The following ADGRV1 variants were observed in gnomAD, a reference collection of about 807,000 sequenced individuals.
ADGRV1 encodes G-protein coupled receptor 98.
ADGRV1 carries 359 observed loss-of-function variants against 596.2 expected under a neutral mutation model. The observed-to-expected ratio is 0.60, with a 90% CI of 0.55 to 0.66. ADGRV1 has a LOEUF of 0.66. Among genes scored for constraint, ADGRV1 ranks in the 30% least tolerant of loss-of-function variants. The pLI, the probability that ADGRV1 is intolerant of heterozygous loss-of-function variation, is 0.00. For synonymous variants in ADGRV1, 2,681 were observed against 2,679.2 expected, an observed-to-expected ratio of 1.00 and a Z score of -0.02; for missense variants, 7,274 against 7,575.6, an observed-to-expected ratio of 0.96 and a Z score of 1.48.
At position 90,704,329 on chromosome 5, in the gene ADGRV1, G is replaced by A. The variant is rs557562075; in HGVS notation, c.8287-60G>A. 1,538 of 980,736 alleles carry A rather than the reference G, an allele frequency of 1.6e-3. 3 individuals are homozygous for A. Among genetic ancestry groups the A allele is most frequent in the Non-Finnish European group, 1.8e-3 (1,160 of 651,532 alleles). The allele number at this position is 980,736 out of a possible 1,614,324, so 60.8% of individuals were successfully genotyped here. Reference sequence around the variant, plus strand: ...AATTTATAAGGTGAATAAAAATAAAGCAGGAGATAGTTCATATTCAATAAC... The same window carrying A: ...AATTTATAAGGTGAATAAAAATAAAACAGGAGATAGTTCATATTCAATAAC... On this transcript the variant is annotated intron_variant, in intron 35 of 89. Coordinates refer to ENST00000405460, the MANE Select transcript of ADGRV1 (RefSeq NM_032119.4).
chr5:91,116,790 C>T (rs920831986), intron 87 of ADGRV1, among the ~76,000 whole-genome samples: 2 of 152,110 alleles, frequency 1.3e-5, no homozygotes, highest in African/African-American at 2.4e-5. Context: ...TGGAAACTCT[C>T]AGTTATAAAG....
chr5:91,051,425 A>T (rs1223696428), intron 85 of ADGRV1, among the ~76,000 whole-genome samples: 1 of 151,872 alleles, frequency 6.6e-6, no homozygotes, highest in Admixed American at 6.6e-5. Context: ...CTTGTGTTAG[A>T]TTACTTTGTT....
chr5:91,130,559 A>C (rs1342863938), intron 87 of ADGRV1, among the ~76,000 whole-genome samples: 1 of 151,324 alleles, frequency 6.6e-6, no homozygotes, highest in East Asian at 1.9e-4. Context: ...GATGTCTTGA[A>C]TAGGAGACAT....
chr5:90,750,518 GA>G, intron 52 of ADGRV1, 32 bp from the exon 53 acceptor site: 6 of 1,558,908 alleles, frequency 3.8e-6, no homozygotes, highest in Non-Finnish European at 5.2e-6. Context: ...TAATTTCAGG[GA>G]ACCCCTTGTG....
At chr5:90,926,468 C>T (rs201619657) in intron 83 of ADGRV1, among the ~76,000 whole-genome samples, 35,685 of 145,442 alleles carry the variant, frequency 0.25, 4,457 homozygotes, top group Admixed American at 0.39. Flanking sequence ...TCTGTGGGAT[C>T]GGTGGTGATA....
chr5:90,574,423 G>A (rs1007008454), intron 1 of ADGRV1, among the ~76,000 whole-genome samples: 1 of 151,988 alleles, frequency 6.6e-6, no homozygotes, highest in Non-Finnish European at 1.5e-5. Context: ...TATTATAGGT[G>A]GGATTCTGTT....
At chr5:90,784,982 A>G (rs1459057144) in intron 67 of ADGRV1, among the ~76,000 whole-genome samples, 3 of 152,200 alleles carry the variant, frequency 2.0e-5, no homozygotes, top group Admixed American at 6.5e-5. Context: ...AGCAAAAATA[A>G]CAAAGCTGGA....
chr5:90,661,585 A>G (rs1770303567), intron 21 of ADGRV1, among the ~76,000 whole-genome samples: 1 of 152,162 alleles, frequency 6.6e-6, no homozygotes, highest in Non-Finnish European at 1.5e-5. Flanking sequence ...AGAATACTGC[A>G]TTATTTTTTC....
intron 59 of ADGRV1, among the ~76,000 whole-genome samples, chr5:90,765,352 A>G (rs1350589992): frequency 6.6e-6 from 1 of 151,960 alleles, no homozygotes; most frequent in Non-Finnish European, 1.5e-5. Flanking sequence ...TATTACTTGT[A>G]AATTCATGTG....
At chr5:90,922,255 T>C (rs774274554) in intron 83 of ADGRV1, among the ~76,000 whole-genome samples, 3 of 152,232 alleles carry the variant, frequency 2.0e-5, no homozygotes, top group Non-Finnish European at 4.4e-5. Flanking sequence ...ATCCATCTCC[T>C]ATGTTAATGT....
At chr5:90,617,020 C>T (rs1763451751) in intron 2 of ADGRV1, among the ~76,000 whole-genome samples, 1 of 152,180 alleles carries the variant, frequency 6.6e-6, no homozygotes. Flanking sequence ...TGGCTTATTT[C>T]ACTTAACATA....
chr5:90,630,472 A>C (rs1166469737), intron 9 of ADGRV1: 4 of 152,174 alleles, frequency 2.6e-5, no homozygotes, highest in African/African-American at 9.7e-5. Flanking sequence ...CAAAGTATAA[A>C]ATATCTGCAC....
intron 86 of ADGRV1, among the ~76,000 whole-genome samples, chr5:91,083,247 AG>A (rs1268962716): frequency 1.2e-5 from 1 of 83,800 alleles, no homozygotes; most frequent in Non-Finnish European, 2.3e-5. Flanking sequence ...GTCATGGGGT[AG>A]GGGGGATGGG....
intron 87 of ADGRV1, among the ~76,000 whole-genome samples, chr5:91,148,951 C>T (rs1430242955): frequency 6.6e-6 from 1 of 152,206 alleles, no homozygotes; most frequent in Non-Finnish European, 1.5e-5. Context: ...GGATTTTGGA[C>T]TTGCATGGAG....
intron 86 of ADGRV1, among the ~76,000 whole-genome samples, chr5:91,083,156 C>A (rs1175622448): frequency 6.6e-6 from 1 of 151,756 alleles, no homozygotes; most frequent in Admixed American, 6.6e-5. Flanking sequence ...AAACCAAACA[C>A]CGCATGTTCT....
intron 82 of ADGRV1, among the ~76,000 whole-genome samples, chr5:90,860,724 A>C (rs923198244): frequency 7.5e-6 from 1 of 133,522 alleles, no homozygotes; most frequent in African/African-American, 3.1e-5. Context: ...TGGTATAATA[A>C]AAAAAAAAAA....
rs1166104528 is a variant in ADGRV1, at chr5:90,706,282, A to C, written c.8618A>C (p.Asn2873Thr). Residue 2873 changes from asparagine (N) to threonine (T), a missense_variant, in exon 38 of 90, where the codon AAC becomes ACC. This residue lies in a region of ADGRV1 where 3,643 missense variants were observed against 3,809.2 expected (regional missense o/e 0.96). Coordinates refer to ENST00000405460, the MANE Select transcript of ADGRV1 (RefSeq NM_032119.4). ...TTVPGMLSLK[N>T]QTVGNLAEPE... is the part of the protein sequence containing the mutation. ...GTTCCTGGAATGCTGAGTCTGAAGA[A>C]CCAAACAGTAGGAAACCTAGCAGAG... The C allele has an allele frequency of 6.2e-7, 1 of 1,613,490 alleles. No individual in the cohort carries two copies. The highest frequency in any genetic ancestry group is 1.3e-5 in the African/African-American group (1 of 74,912).
chr5:90,643,890 C>T lies in ADGRV1; in HGVS notation c.2641C>T (p.Leu881=), dbSNP rs1767334938. 2 of 1,611,576 alleles carry T rather than the reference C, an allele frequency of 1.2e-6. No individual in the cohort carries two copies. Among genetic ancestry groups the T allele is most frequent in the Non-Finnish European group, 1.7e-6 (2 of 1,178,724 alleles). Residue 881 remains leucine (L), a synonymous_variant, in exon 14 of 90, where the codon CTG becomes TTG. Transcript: ENST00000405460. Reference sequence around the variant, plus strand: ...TGCCACCATTGTCAATATAACGATTCTGAAAAATGATGATCCTCATGGCAT... The same window carrying T: ...TGCCACCATTGTCAATATAACGATTTTGAAAAATGATGATCCTCATGGCAT... The part of the protein sequence containing the change: ...GSATIVNITI[L]KNDDPHGIIE...
intron 83 of ADGRV1, among the ~76,000 whole-genome samples, chr5:90,881,583 G>C (rs1769778264): frequency 6.6e-6 from 1 of 152,066 alleles, no homozygotes. Flanking sequence ...CACAGCAAAG[G>C]ATAAAGATTG....
Sources: allele counts gnomAD v4.1 joint callset (sites outside exome capture counted in the v4.1 genomes callset), GRCh38; gene constraint gnomAD v4.1.1; regional missense constraint gnomAD v4.1.1; transcripts MANE v1.5; gene names NCBI Gene and HGNC (gene_info 2026-07-23, HGNC 2026-07-21).